BID: variants seen among roughly 807,000 people sequenced by gnomAD.
The protein encoded by BID is BH3-interacting domain death agonist.
In BID, 19 loss-of-function variants were observed where a neutral mutation model predicts 17.4. That is an observed-to-expected ratio of 1.09 (90% CI 0.76 to 1.60). The LOEUF is 1.60. BID is among the 40% of genes most tolerant of loss of function. BID has a pLI of 0.00. For synonymous variants in BID, 108 were observed against 102.8 expected (o/e 1.05, Z -0.31); for missense variants, 226 against 256.0 (o/e 0.88, Z 0.80).
intron 1 of BID, among the ~76,000 whole-genome samples, chr22:17,761,759 G>A (rs1323387391): frequency 6.6e-6 from 1 of 152,088 alleles, no homozygotes; most frequent in Non-Finnish European, 1.5e-5. Context: ...GAAGGCAAAG[G>A]CATTAATGAG....
chr22:17,738,955 G>C (rs2061438645), intron 4 of BID, among the ~76,000 whole-genome samples: 2 of 152,148 alleles, frequency 1.3e-5, no homozygotes, highest in Admixed American at 6.5e-5. Context: ...GTAGAGCTCA[G>C]AAAGTTGTGT....
intron 1 of BID, among the ~76,000 whole-genome samples, chr22:17,756,517 T>C (rs1319948155): frequency 6.7e-6 from 1 of 149,418 alleles, no homozygotes; most frequent in Non-Finnish European, 1.5e-5. Flanking sequence ...TCTGTCTGTC[T>C]CTCTCTTTCT....
chr22:17,773,441 C>T lies in BID; in HGVS notation c.-59+940G>A, dbSNP rs573068430. 6.6e-5 allele frequency among the ~76,000 whole-genome samples: 10 copies of T among 152,168 alleles called. No homozygotes were observed. Among genetic ancestry groups the T allele is most frequent in the Non-Finnish European group, 1.0e-4 (7 of 68,022 alleles). On this transcript the variant is annotated intron_variant, in intron 1 of 5. Coordinates refer to ENST00000622694, the MANE Select transcript of BID (RefSeq NM_001196.4). This position sits in a 1 kb window ranked among gnomAD's most constrained non-coding sequence, Gnocchi z 4.4. ...AAAAACCGCATCCTCTGCAGCTCCCCCACAGTGAGAGCGAGGACTGAGGGT... is the reference window on the plus strand; with the variant it reads ...AAAAACCGCATCCTCTGCAGCTCCCTCACAGTGAGAGCGAGGACTGAGGGT...
chr22:17,745,471 G>A (rs2061489251), intron 2 of BID, among the ~76,000 whole-genome samples: 1 of 151,918 alleles, frequency 6.6e-6, no homozygotes, highest in Non-Finnish European at 1.5e-5. Flanking sequence ...GACCAGCCTG[G>A]CAACAAGATC....
intron 1 of BID, among the ~76,000 whole-genome samples, chr22:17,762,931 C>A (rs1171074290): frequency 4.6e-5 from 7 of 152,034 alleles, no homozygotes; most frequent in Non-Finnish European, 1.0e-4. Flanking sequence ...GGCTGGAGTG[C>A]AATGGCGTGA....
Position 17,735,332 on chromosome 22 carries a change from CAT to C in BID, c.*246_*247del. 1.9e-6 allele frequency: 1 copy of C among 518,512 alleles called. No homozygotes were observed. The allele number at this position is 518,512 out of a possible 1,614,324, so 32.1% of individuals were successfully genotyped here. A position where few individuals can be genotyped will look rare whatever the true frequency, so the allele number is the denominator to read the frequency against. ...GTGTAGATTTACAGATGTGCAGATTCATGTGTGGATGATATGAAGGCCATTCA... is the reference window on the plus strand; with the variant it reads ...GTGTAGATTTACAGATGTGCAGATTCGTGTGGATGATATGAAGGCCATTCA... On this transcript the variant is annotated 3_prime_UTR_variant, in exon 6 of 6. Coordinates refer to ENST00000622694, the MANE Select transcript of BID (RefSeq NM_001196.4).
At position 17,773,957 on chromosome 22, in the gene BID, C is replaced by G; in HGVS notation, c.-59+424G>C. The stretch of plus-strand genomic sequence containing the variant: ...GGTGCTGGAAAGACCACGGTGTGGG[C>G]GGGGATTCCGATCCGCCGGCAAGGG... On this transcript the variant is annotated intron_variant, in intron 1 of 5. Coordinates refer to ENST00000622694, the MANE Select transcript of BID (RefSeq NM_001196.4). The surrounding 1 kb of genome is among the most constrained non-coding windows in gnomAD (Gnocchi z 4.4). 1.9e-6 allele frequency: 1 copy of G among 534,974 alleles called. No homozygotes were observed. The highest frequency in any genetic ancestry group is 3.3e-6 in the Non-Finnish European group (1 of 299,870). 33.1% of individuals were successfully genotyped at this position (534,974 alleles called of 1,614,324 possible).
Position 17,743,792 on chromosome 22 carries a change from C to A in BID, c.223+11G>T, listed in dbSNP as rs543334573. 2 of 1,603,500 alleles carry A rather than the reference C, an allele frequency of 1.2e-6. No homozygotes were observed. The highest frequency in any genetic ancestry group is 1.7e-5 in the Admixed American group (1 of 58,882). ...CCAGCTTTGGGGAAGGAGGTGGGGC[C>A]GGCCGCCTACCTGCCTCTATTCTTC... On this transcript the variant is annotated intron_variant, in intron 3 of 5. Transcript: ENST00000622694.
At position 17,743,279 on chromosome 22, in the gene BID, G is replaced by A. The variant is rs1403324160; in HGVS notation, c.223+524C>T. 2.0e-5 allele frequency among the ~76,000 whole-genome samples: 3 copies of A among 152,346 alleles called. No individual in the cohort carries two copies. The East Asian group carries it at 5.8e-4, about 29-fold the overall frequency. The stretch of plus-strand genomic sequence containing the variant: ...GGGACAGTCAGCCAGGCCTGCTTGG[G>A]GAGGCAGGGGCCGCACCGGTAGTGC... On this transcript the variant is annotated intron_variant, in intron 3 of 5. Coordinates refer to ENST00000622694, the MANE Select transcript of BID (RefSeq NM_001196.4).
At chr22:17,762,251 C>T (rs750947048) in intron 1 of BID, among the ~76,000 whole-genome samples, 1 of 152,182 alleles carries the variant, frequency 6.6e-6, no homozygotes, top group African/African-American at 2.4e-5. Context: ...AATCCCAGAA[C>T]TTTGGGAGGC....
chr22:17,770,914 G>T (rs2061714191), intron 1 of BID, among the ~76,000 whole-genome samples: 2 of 152,236 alleles, frequency 1.3e-5, no homozygotes, highest in African/African-American at 4.8e-5. Flanking sequence ...AAGTTCCCTG[G>T]TGATCCGGAC....
intron 1 of BID, among the ~76,000 whole-genome samples, chr22:17,761,731 G>A (rs1299702254): frequency 6.6e-6 from 1 of 152,124 alleles, no homozygotes; most frequent in Admixed American, 6.5e-5. Context: ...ACCGCACCCG[G>A]CCATAATCTT....
chr22:17,739,301 C>A, intron 4 of BID, 48 bp downstream of exon 4: 4 of 1,500,740 alleles, frequency 2.7e-6, no homozygotes, highest in South Asian at 2.5e-5. Flanking sequence ...GGGGACAGGC[C>A]CCCTTGGCTC....
chr22:17,745,114 G>A (rs2061486846), intron 2 of BID, among the ~76,000 whole-genome samples: 1 of 151,496 alleles, frequency 6.6e-6, no homozygotes, highest in African/African-American at 2.4e-5. Context: ...GCAGTGGTGT[G>A]ATCTCGGCTC....
intron 1 of BID, among the ~76,000 whole-genome samples, chr22:17,752,822 C>T (rs1191271465): frequency 3.3e-5 from 5 of 152,092 alleles, no homozygotes; most frequent in South Asian, 2.1e-4. Flanking sequence ...CCCGCCACCA[C>T]GCCCAGCTAA....
At position 17,769,825 on chromosome 22, in the gene BID, C is replaced by T. The variant is rs1445852664; in HGVS notation, c.-59+4556G>A. 6.6e-6 allele frequency among the ~76,000 whole-genome samples: 1 copy of T among 152,152 alleles called. No individual in the cohort carries two copies. Among genetic ancestry groups the T allele is most frequent in the African/African-American group, 2.4e-5 (1 of 41,428 alleles). On this transcript the variant is annotated intron_variant, in intron 1 of 5. Transcript: ENST00000622694. This position sits in a 1 kb window ranked among gnomAD's most constrained non-coding sequence, Gnocchi z 4.8. ...CCACCTTCCTGTCTCTAGGCAGATG[C>T]CAGCTGGTGCAGGAGCCACTCCCAG...
At chr22:17,759,108 G>C (rs916182189) in intron 1 of BID, among the ~76,000 whole-genome samples, 1 of 151,864 alleles carries the variant, frequency 6.6e-6, no homozygotes, top group Non-Finnish European at 1.5e-5. Flanking sequence ...GCGCACACCT[G>C]TAGTCCCAGC....
In BID at chr22:17,769,020, C is replaced by T. The variant is rs11703330; in HGVS notation, c.-59+5361G>A. 2.5e-3 allele frequency among the ~76,000 whole-genome samples: 372 copies of T among 151,654 alleles called. No homozygotes were observed. Among genetic ancestry groups the T allele is most frequent in the Middle Eastern group, 0.01 (3 of 292 alleles). ...TCGTGCCACTGCACTCCAGCCTGGG[C>T]GACAGAGTGAGACTCGTCTCAAAAA... is the stretch of plus-strand genomic sequence containing the variant. On this transcript the variant is annotated intron_variant, in intron 1 of 5. Coordinates refer to ENST00000622694, the MANE Select transcript of BID (RefSeq NM_001196.4). The surrounding 1 kb of genome is among the most constrained non-coding windows in gnomAD (Gnocchi z 4.8).
chr22:17,739,674 C>T, intron 3 of BID, 186 bp from the exon 4 acceptor site: 1 of 768,364 alleles, frequency 1.3e-6, no homozygotes, highest in South Asian at 1.9e-5. Context: ...GAGCTGGGTT[C>T]TGGGCAGTGC....
Sources: allele counts gnomAD v4.1 joint callset (sites outside exome capture counted in the v4.1 genomes callset), GRCh38; gene constraint gnomAD v4.1.1; non-coding constraint Gnocchi (gnomAD v3.1); transcripts MANE v1.5; gene names NCBI Gene and HGNC (gene_info 2026-07-23, HGNC 2026-07-21).